RBM47: variants seen among roughly 807,000 people sequenced by gnomAD.
RBM47 encodes the protein RNA-binding protein 47.
A neutral mutation model predicts 47.1 loss-of-function variants in RBM47; 21 were observed. That is an observed-to-expected ratio of 0.45 (90% confidence interval 0.32 to 0.64). RBM47 has a LOEUF of 0.64. RBM47 is among the 30% of genes least tolerant of loss of function. RBM47 has a pLI of 0.05. For missense variants in RBM47, 708 were observed against 870.9 expected, an observed-to-expected ratio of 0.81 and a Z score of 2.35; for synonymous variants, 375 against 361.7, an observed-to-expected ratio of 1.04 and a Z score of -0.42.
At position 40,626,038 on chromosome 4, in the gene RBM47, C is replaced by G. The variant is rs549717126; in HGVS notation, c.-240+3358G>C. Among the ~76,000 whole-genome samples the G allele has an allele frequency of 2.6e-5, 4 of 152,290 alleles. No homozygotes were observed. In the South Asian group the frequency reaches 8.3e-4, roughly 32 times the overall value. ...GGTGCACCAAAAGAGCTACTATAGT[C>G]ACAATCACTTTTACGTGATCAGCTT... On this transcript the variant is annotated intron_variant, in intron 1 of 6. Coordinates refer to ENST00000295971, the MANE Select transcript of RBM47 (RefSeq NM_001098634.2).
At chr4:40,586,476 G>T (rs1578017034) in intron 1 of RBM47, among the ~76,000 whole-genome samples, 1 of 151,596 alleles carries the variant, frequency 6.6e-6, no homozygotes, top group East Asian at 1.9e-4. Context: ...GTAAGAAGGG[G>T]TTAATGGCAA....
In RBM47 at chr4:40,573,807, A is replaced by AAGAAAGAAAGAAAG. The variant is rs1553903539; in HGVS notation, c.-239-29302_-239-29301insCTTTCTTTCTTTCT. Among the ~76,000 whole-genome samples the AAGAAAGAAAGAAAG allele has an allele frequency of 5.6e-4, 76 of 136,758 alleles. 2 individuals carry two copies. The highest frequency in any genetic ancestry group is 1.3e-3 in the African/African-American group (43 of 32,952). 89.7% of individuals were successfully genotyped at this position (136,758 alleles called of 152,430 possible). ...AAAGAGAGAGAGAGAGAAAGAAAGA[A>AAGAAAGAAAGAAAG]AAAGAAAGAAAGAAAGAAAGAAAGA... On this transcript the variant is annotated intron_variant, in intron 1 of 6. Coordinates refer to ENST00000295971, the MANE Select transcript of RBM47 (RefSeq NM_001098634.2).
chr4:40,558,031 C>T (rs1170181773), intron 1 of RBM47, among the ~76,000 whole-genome samples: 2 of 152,216 alleles, frequency 1.3e-5, no homozygotes, highest in Non-Finnish European at 2.9e-5. Flanking sequence ...GTGTAAATTA[C>T]ATCGTCCTGA....
intron 2 of RBM47, among the ~76,000 whole-genome samples, chr4:40,497,006 A>C (rs1722681888): frequency 6.8e-6 from 1 of 146,124 alleles, no homozygotes; most frequent in Non-Finnish European, 1.5e-5. Flanking sequence ...ACGCCACTGC[A>C]CTCTAGCCCA....
In RBM47 at chr4:40,438,549, G is replaced by A. The variant is rs757455816; in HGVS notation, c.345C>T (p.Phe115=). 1.1e-5 allele frequency: 17 copies of A among 1,613,942 alleles called. 1 individual carries two copies. In the South Asian group the frequency reaches 1.6e-4, roughly 16 times the overall value. The change falls in exon 4 of 7, where the codon TTC becomes TTT. Residue 115 remains phenylalanine (F), a synonymous_variant. Transcript: ENST00000295971. ...CCTCGTGCTTGTGGCAGTACATGAC[G>A]AAGGCGTAGCCGCGGTTCTTGCCGT... ...DFDGKNRGYA[F]VMYCHKHEAK...
chr4:40,472,515 T>G (rs1031567330), intron 2 of RBM47, among the ~76,000 whole-genome samples: 1 of 143,412 alleles, frequency 7.0e-6, no homozygotes, highest in African/African-American at 2.7e-5. Context: ...TAAGCTGAGA[T>G]CACGCCATTG....
intron 2 of RBM47, among the ~76,000 whole-genome samples, chr4:40,507,166 A>G (rs1724217168): frequency 1.3e-5 from 2 of 151,506 alleles, no homozygotes; most frequent in East Asian, 4.0e-4. Context: ...CATGTTGGCC[A>G]GGCTGGTCTC....
intron 3 of RBM47, among the ~76,000 whole-genome samples, chr4:40,448,801 A>C (rs1182672986): frequency 2.0e-5 from 3 of 152,240 alleles, no homozygotes; most frequent in African/African-American, 7.2e-5. Context: ...TGCCACTTAA[A>C]AGCCATAGTT....
chr4:40,589,455 C>T (rs1278159134), intron 1 of RBM47, among the ~76,000 whole-genome samples: 3 of 152,018 alleles, frequency 2.0e-5, no homozygotes, highest in African/African-American at 4.8e-5. Context: ...TGGAGTCTCG[C>T]TCTGTCTCCC....
chr4:40,470,158 G>A (rs1387633020), intron 2 of RBM47, among the ~76,000 whole-genome samples: 3 of 152,152 alleles, frequency 2.0e-5, no homozygotes, highest in East Asian at 3.9e-4. Flanking sequence ...GATTTGTGGG[G>A]CAGTTTCTGG....
chr4:40,621,227 G>A lies in RBM47; in HGVS notation c.-240+8169C>T, dbSNP rs570280893. On this transcript the variant is annotated intron_variant, in intron 1 of 6. Coordinates refer to ENST00000295971, the MANE Select transcript of RBM47 (RefSeq NM_001098634.2). ...TAGCCACAGGATTCTAACAGCAACT[G>A]AGGAAGCCTTTTTCAGTGAATTATG... Among the ~76,000 whole-genome samples, 178 of 152,284 alleles carry A rather than the reference G, an allele frequency of 1.2e-3. 1 individual carries two copies. Among genetic ancestry groups the A allele is most frequent in the African/African-American group, 3.9e-3 (163 of 41,562 alleles).
Position 40,438,653 on chromosome 4 carries a change from C to G in RBM47, c.241G>C (p.Asp81His). The change falls in exon 4 of 7, where the codon GAC becomes CAC. Residue 81 changes from aspartate to histidine, a missense_variant. Physicochemically the swap from Asp to His is moderately conservative, Grantham distance 81. Coordinates refer to ENST00000295971, the MANE Select transcript of RBM47 (RefSeq NM_001098634.2). ...CEVFVGKIPR[D>H]VYEDELVPVF... ...GGCACCAGCTCGTCCTCGTACACGT[C>G]GCGCGGGATCTTGCCCACGAAGACC... 1 of 1,612,296 alleles carries G rather than the reference C, an allele frequency of 6.2e-7. No homozygotes were observed. The highest frequency in any genetic ancestry group is 8.5e-7 in the Non-Finnish European group (1 of 1,178,988).
At chr4:40,510,652 A>C (rs1026841757) in intron 2 of RBM47, among the ~76,000 whole-genome samples, 13 of 152,218 alleles carry the variant, frequency 8.5e-5, no homozygotes, top group Non-Finnish European at 1.8e-4. Flanking sequence ...TACTGACTGA[A>C]TGAATGAGTC....
chr4:40,589,822 A>G (rs1733960869), intron 1 of RBM47, among the ~76,000 whole-genome samples: 1 of 152,248 alleles, frequency 6.6e-6, no homozygotes, highest in African/African-American at 2.4e-5. Flanking sequence ...GCATTTAGGA[A>G]CATGAGGAGC....
chr4:40,589,050 T>C (rs976852658), intron 1 of RBM47, among the ~76,000 whole-genome samples: 3 of 137,552 alleles, frequency 2.2e-5, no homozygotes, highest in Non-Finnish European at 4.6e-5. Flanking sequence ...CTCGGCTCAC[T>C]GCAACCTCCA....
intron 2 of RBM47, among the ~76,000 whole-genome samples, chr4:40,540,798 G>T: frequency 6.8e-6 from 1 of 147,474 alleles, no homozygotes; most frequent in Non-Finnish European, 1.5e-5. Flanking sequence ...TTATTTATTT[G>T]GTTTTTTTAA....
chr4:40,603,829 T>C (rs888510904), intron 1 of RBM47, among the ~76,000 whole-genome samples: 1 of 152,194 alleles, frequency 6.6e-6, no homozygotes, highest in Non-Finnish European at 1.5e-5. Flanking sequence ...CTCGAGCTCC[T>C]GAGCTCAAGT....
At chr4:40,535,543 TGTA>T (rs1727881733) in intron 2 of RBM47, among the ~76,000 whole-genome samples, 3 of 150,154 alleles carry the variant, frequency 2.0e-5, no homozygotes, top group Admixed American at 2.0e-4. Flanking sequence ...GGCTAATTTT[TGTA>T]TTTTTTTTTT....
chr4:40,532,591 G>A (rs574889474), intron 2 of RBM47, among the ~76,000 whole-genome samples: 123 of 151,822 alleles, frequency 8.1e-4, no homozygotes, highest in Non-Finnish European at 1.5e-3. Flanking sequence ...GATTACAGGC[G>A]TGAGCCACCA....
Sources: gnomAD v4.1 joint callset for allele counts (sites outside exome capture counted in the v4.1 genomes callset) on GRCh38, gnomAD v4.1.1 for gene constraint, MANE v1.5 for transcripts, NCBI Gene and HGNC (gene_info 2026-07-23, HGNC 2026-07-21) for gene names.